Variants in PRKAG2 observed in about 807,000 individuals in gnomAD.
PRKAG2 encodes the protein 5'-AMP-activated protein kinase subunit gamma-2.
Under a neutral mutation model 69.6 loss-of-function variants are expected in PRKAG2, and 26 were observed. The ratio of observed to expected loss-of-function variants is 0.37; its 90% confidence interval spans 0.27 to 0.52. The LOEUF (loss-of-function observed/expected upper bound fraction) is 0.52, where lower values mean the gene tolerates loss of function less well. Ranked by LOEUF, PRKAG2 falls within the 20% of genes least tolerant of loss-of-function variation. PRKAG2 has a pLI of 0.90. For missense variants in PRKAG2, 557 were observed against 740.0 expected (o/e 0.75, Z 2.87); for synonymous variants, 293 against 285.0 (o/e 1.03, Z -0.28).
chr7:151,565,352 A>G lies in PRKAG2; in HGVS notation c.1431T>C (p.Asp477=). The change falls in exon 13 of 16, where the codon GAT becomes GAC. Residue 477 remains aspartate (D), a synonymous_variant. Transcript: ENST00000287878. ...ACAAAATTAAAATACTTACAATTAC[A>G]TCAAATTTGGAATAAATATCTACAA... ...GKVVDIYSKF[D]VINLAAEKTY... is the part of the protein sequence containing the mutation. The G allele has an allele frequency of 7.2e-7, 1 of 1,392,474 alleles. No homozygotes were observed. Among genetic ancestry groups the G allele is most frequent in the Non-Finnish European group, 1.0e-6 (1 of 999,236 alleles). The allele number at this position is 1,392,474 out of a possible 1,614,324, so 86.3% of individuals were successfully genotyped here.
chr7:151,637,054 T>C (rs1177538415), intron 4 of PRKAG2, among the ~76,000 whole-genome samples: 1 of 152,186 alleles, frequency 6.6e-6, no homozygotes, highest in African/African-American at 2.4e-5. Flanking sequence ...TCAAGGTGGC[T>C]GCACCATTTT....
chr7:151,562,244 CAAAAAAAAA>C (rs575674668), intron 14 of PRKAG2, among the ~76,000 whole-genome samples: 780 of 38,478 alleles, frequency 0.02, 19 homozygotes, highest in African/African-American at 0.046. Context: ...GACTTTGTCT[CAAAAAAAAA>C]AAAAAAAAAA....
At position 151,566,160 on chromosome 7, in the gene PRKAG2, C is replaced by T. The variant is rs559354131; in HGVS notation, c.1234-275G>A. On this transcript the variant is annotated intron_variant, in intron 11 of 15. Transcript: ENST00000287878. Reference sequence around the variant, plus strand: ...CCATCTCCTCTTCACTCACTAAGAACGCGTATAGAACCAGGGAAGAACAGG... The same window carrying T: ...CCATCTCCTCTTCACTCACTAAGAATGCGTATAGAACCAGGGAAGAACAGG... Among the ~76,000 whole-genome samples the T allele has an allele frequency of 4.6e-5, 7 of 152,254 alleles. No individual in the cohort carries two copies. The South Asian group carries it at 8.3e-4, about 18-fold the overall frequency.
Position 151,580,994 on chromosome 7 carries a change from G to A in PRKAG2, c.865-4542C>T, listed in dbSNP as rs143224615. Among the ~76,000 whole-genome samples the A allele has an allele frequency of 3.0e-4, 46 of 152,234 alleles. No individual in the cohort carries two copies. The East Asian group carries it at 7.3e-3, about 24-fold the overall frequency. ...AGAAATCATAAATGCTTGAGGTTATGGACACCCCATTTATCCTGATGTGAT... is the reference window on the plus strand; with the variant it reads ...AGAAATCATAAATGCTTGAGGTTATAGACACCCCATTTATCCTGATGTGAT... On this transcript the variant is annotated intron_variant, in intron 6 of 15. Transcript: ENST00000287878.
intron 3 of PRKAG2, among the ~76,000 whole-genome samples, chr7:151,768,092 G>A (rs906719407): frequency 2.6e-5 from 4 of 152,190 alleles, no homozygotes; most frequent in African/African-American, 4.8e-5. Flanking sequence ...AGCTTAGAAA[G>A]CATGTTCACT....
In PRKAG2 at chr7:151,782,432, A is replaced by G. The variant is rs866595993; in HGVS notation, c.187-1001T>C. ...AGGAAGGAAGGAAGGAAGGAAAGAA[A>G]GAAGGAAAGAAGGAAGTTAACAAAG... On this transcript the variant is annotated intron_variant, in intron 2 of 15. Coordinates refer to ENST00000287878, the MANE Select transcript of PRKAG2 (RefSeq NM_016203.4). Among the ~76,000 whole-genome samples, 29 of 134,362 alleles carry G rather than the reference A, an allele frequency of 2.2e-4. No individual in the cohort carries two copies. In the East Asian group the frequency reaches 2.5e-3, roughly 12 times the overall value. The allele number at this position is 134,362 out of a possible 152,430, so 88.1% of individuals were successfully genotyped here.
At chr7:151,840,376 C>A (rs2079247622) in intron 1 of PRKAG2, among the ~76,000 whole-genome samples, 1 of 152,196 alleles carries the variant, frequency 6.6e-6, no homozygotes, top group Admixed American at 6.5e-5. Context: ...CACCATGCAC[C>A]AGTTAGTTAC....
At chr7:151,730,243 T>C (rs1481285916) in intron 3 of PRKAG2, among the ~76,000 whole-genome samples, 2 of 152,260 alleles carry the variant, frequency 1.3e-5, no homozygotes, top group African/African-American at 2.4e-5. Context: ...TCTCACTCAC[T>C]GCTGTCCCTA....
At chr7:151,665,602 G>A (rs1563376463) in intron 4 of PRKAG2, among the ~76,000 whole-genome samples, 1 of 152,150 alleles carries the variant, frequency 6.6e-6, no homozygotes, top group Non-Finnish European at 1.5e-5. Flanking sequence ...CAATCCCGCT[G>A]AGAATCAGTT....
In PRKAG2 at chr7:151,771,519, G is replaced by A. The variant is rs897456416; in HGVS notation, c.466+9633C>T. ...GGAGGAATCATTTTGTATGCATGCA[G>A]TACACACAATGCCATCTTTCCTAGA... On this transcript the variant is annotated intron_variant, in intron 3 of 15. Transcript: ENST00000287878. This position sits in a 1 kb window ranked among gnomAD's most constrained non-coding sequence, Gnocchi z 4.0. 6.6e-6 allele frequency among the ~76,000 whole-genome samples: 1 copy of A among 152,168 alleles called. No individual in the cohort carries two copies. The highest frequency in any genetic ancestry group is 6.5e-5 in the Admixed American group (1 of 15,274).
intron 3 of PRKAG2, among the ~76,000 whole-genome samples, chr7:151,760,514 C>T (rs372495921): frequency 1.8e-4 from 27 of 152,328 alleles, no homozygotes; most frequent in African/African-American, 6.0e-4. Context: ...GCTGGGATTA[C>T]AGGCATGAGC....
In PRKAG2 at chr7:151,817,872, C is replaced by T. The variant is rs568912943; in HGVS notation, c.115-31331G>A. Among the ~76,000 whole-genome samples, 3 of 152,292 alleles carry T rather than the reference C, an allele frequency of 2.0e-5. No individual in the cohort carries two copies. The South Asian group carries it at 6.2e-4, about 32-fold the overall frequency. ...CCCAGCCTGGCTCCGTACAGCACAT[C>T]CTAACAGGGCCACTGTCCCTTTATT... On this transcript the variant is annotated intron_variant, in intron 1 of 15. Transcript: ENST00000287878.
At position 151,756,693 on chromosome 7, in the gene PRKAG2, C is replaced by G. The variant is rs534435202; in HGVS notation, c.466+24459G>C. Among the ~76,000 whole-genome samples, 1 of 152,154 alleles carries G rather than the reference C, an allele frequency of 6.6e-6. No homozygotes were observed. Among genetic ancestry groups the G allele is most frequent in the South Asian group, 2.1e-4 (1 of 4,826 alleles). ...CCAGCCCCGCCAGGGCTCCCAGCGC[C>G]GCCCTCTTCCCTTCTCCCACCTGGG... On this transcript the variant is annotated intron_variant, in intron 3 of 15. Transcript: ENST00000287878. This position sits in a 1 kb window ranked among gnomAD's most constrained non-coding sequence, Gnocchi z 4.9.
chr7:151,787,796 T>A (rs1248791081), intron 1 of PRKAG2, among the ~76,000 whole-genome samples: 1 of 152,138 alleles, frequency 6.6e-6, no homozygotes, highest in Non-Finnish European at 1.5e-5. Flanking sequence ...AATGAGGTCA[T>A]TAAGGTGGGC....
intron 4 of PRKAG2, among the ~76,000 whole-genome samples, chr7:151,648,989 G>A (rs968271156): frequency 9.9e-5 from 15 of 152,082 alleles, no homozygotes; most frequent in African/African-American, 3.4e-4. Flanking sequence ...ACCGAAAGAC[G>A]TAGTCATTCA....
intron 3 of PRKAG2, among the ~76,000 whole-genome samples, chr7:151,759,996 G>C (rs1160770091): frequency 6.6e-6 from 1 of 152,228 alleles, no homozygotes; most frequent in African/African-American, 2.4e-5. Context: ...TGTGGACTGT[G>C]GTGGGGTAGC....
chr7:151,807,536 G>A lies in PRKAG2; in HGVS notation c.115-20995C>T. The A allele has an allele frequency of 2.2e-6, 1 of 457,862 alleles. No homozygotes were observed. The highest frequency in any genetic ancestry group is 4.4e-6 in the Non-Finnish European group (1 of 226,974). The allele number at this position is 457,862 out of a possible 1,614,324, so 28.4% of individuals were successfully genotyped here. A position where few individuals can be genotyped will look rare whatever the true frequency, so the allele number is the denominator to read the frequency against. ...TTCTTCCCAACCTACGAGCTGAAATGGCCAGCACTGCGCCTTCCAGAACCC... is the reference window on the plus strand; with the variant it reads ...TTCTTCCCAACCTACGAGCTGAAATAGCCAGCACTGCGCCTTCCAGAACCC... On this transcript the variant is annotated intron_variant, in intron 1 of 15. Coordinates refer to ENST00000287878, the MANE Select transcript of PRKAG2 (RefSeq NM_016203.4). This position sits in a 1 kb window ranked among gnomAD's most constrained non-coding sequence, Gnocchi z 4.4.
chr7:151,727,662 A>G (rs1006683114), intron 3 of PRKAG2, among the ~76,000 whole-genome samples: 1 of 151,568 alleles, frequency 6.6e-6, no homozygotes, highest in South Asian at 2.1e-4. Context: ...CTCCCTTTCC[A>G]TCAGCCTTAG....
chr7:151,730,380 T>C (rs1364170649), intron 3 of PRKAG2, among the ~76,000 whole-genome samples: 3 of 152,108 alleles, frequency 2.0e-5, no homozygotes, highest in African/African-American at 7.2e-5. Context: ...CTTTCGAAAA[T>C]TTCTGGCCAG....
Sources: allele counts gnomAD v4.1 joint callset (sites outside exome capture counted in the v4.1 genomes callset), GRCh38; gene constraint gnomAD v4.1.1; non-coding constraint Gnocchi (gnomAD v3.1); transcripts MANE v1.5; gene names NCBI Gene and HGNC (gene_info 2026-07-23, HGNC 2026-07-21).